The following PRPF6 variants were observed in gnomAD, a reference collection of about 807,000 sequenced individuals.
PRPF6 encodes the protein pre-mRNA processing factor 6, also known as pre-mRNA-processing factor 6.
Under a neutral mutation model 118.3 loss-of-function variants are expected in PRPF6, and 42 were observed. The observed-to-expected ratio is 0.35, with a 90% CI of 0.28 to 0.46. PRPF6 has a LOEUF of 0.46. PRPF6 is among the 20% of genes least tolerant of loss of function. The pLI is 1.00. For synonymous variants in PRPF6, 481 were observed against 485.1 expected, an observed-to-expected ratio of 0.99 and a Z score of 0.11; for missense variants, 662 against 1,255.7, an observed-to-expected ratio of 0.53 and a Z score of 7.15.
At chr20:64,007,366 C>T (rs1303002431) in intron 9 of PRPF6, among the ~76,000 whole-genome samples, 2 of 148,790 alleles carry the variant, frequency 1.3e-5, no homozygotes, top group South Asian at 2.2e-4. Flanking sequence ...TTGCCCTCTC[C>T]CCTCCCCGCC....
chr20:64,030,766 C>A (rs1293805270), intron 19 of PRPF6, among the ~76,000 whole-genome samples: 1 of 152,238 alleles, frequency 6.6e-6, no homozygotes, highest in East Asian at 1.9e-4. Flanking sequence ...CACAGTTTAT[C>A]TAACACCGGG....
intron 9 of PRPF6, among the ~76,000 whole-genome samples, chr20:64,007,433 C>T (rs1305758633): frequency 1.2e-4 from 17 of 143,272 alleles, no homozygotes; most frequent in East Asian, 6.3e-4. Flanking sequence ...CTTCCCTCCC[C>T]GCCTCCCCTC....
chr20:64,016,939 CTTTT>C, intron 12 of PRPF6, 94 bp downstream of exon 12: 28 of 1,285,530 alleles, frequency 2.2e-5, no homozygotes, highest in African/African-American at 6.2e-5. Flanking sequence ...TTTTAAAACT[CTTTT>C]TTTTTTTTTT....
intron 3 of PRPF6, among the ~76,000 whole-genome samples, chr20:63,989,774 A>C (rs1024138015): frequency 4.0e-5 from 6 of 151,642 alleles, no homozygotes; most frequent in Non-Finnish European, 7.4e-5. Context: ...CGGCCTCCCA[A>C]AGTGCTGGGA....
In PRPF6 at chr20:64,011,801, C is replaced by T. The variant is rs186241043; in HGVS notation, c.1524+298C>T. On this transcript the variant is annotated intron_variant, in intron 11 of 20. Coordinates refer to ENST00000266079, the MANE Select transcript of PRPF6 (RefSeq NM_012469.4). The surrounding 1 kb of genome is among the most constrained non-coding windows in gnomAD (Gnocchi z 6.7). ...CACCTACGAGAGGAGGACAGGAAGT[C>T]TCATGGCTTCTTTCTTTGCTAGTAG... Among the ~76,000 whole-genome samples, 280 of 120,354 alleles carry T rather than the reference C, an allele frequency of 2.3e-3. 1 individual carries two copies. The highest frequency in any genetic ancestry group is 9.1e-3 in the African/African-American group (272 of 30,010). The allele number at this position is 120,354 out of a possible 152,430, so 79.0% of individuals were successfully genotyped here.
chr20:64,000,260 G>A (rs1370815352), intron 8 of PRPF6, among the ~76,000 whole-genome samples: 8 of 152,038 alleles, frequency 5.3e-5, no homozygotes, highest in African/African-American at 1.2e-4. Context: ...AGGCTGAGGC[G>A]GGTGGATCAC....
chr20:64,029,231 G>T lies in PRPF6; in HGVS notation c.2432-146G>T, dbSNP rs925741212. The T allele has an allele frequency of 6.8e-6, 5 of 740,098 alleles. No individual in the cohort carries two copies. The highest frequency in any genetic ancestry group is 1.2e-5 in the Non-Finnish European group (5 of 417,806). The allele number at this position is 740,098 out of a possible 1,614,324, so 45.8% of individuals were successfully genotyped here. The stretch of plus-strand genomic sequence containing the variant: ...TGGGCCAGAGTGCTCATCCTTTGTG[G>T]TTCTCCTTGCACAAGTTCTGCGAGC... On this transcript the variant is annotated intron_variant, in intron 18 of 20. Transcript: ENST00000266079. The surrounding 1 kb of genome is among the most constrained non-coding windows in gnomAD (Gnocchi z 4.8).
At position 63,995,409 on chromosome 20, in the gene PRPF6, C is replaced by T. The variant is rs2059137043; in HGVS notation, c.698C>T (p.Pro233Leu). 4 of 1,614,180 alleles carry T rather than the reference C, an allele frequency of 2.5e-6. No individual in the cohort carries two copies. ...GGAATGACGCCAGGACTGATGACAC[C>T]TGGCACAGGTGAGCTGGACATGAGG... is the stretch of plus-strand genomic sequence containing the variant. The part of the protein sequence containing the change: ...PGGMTPGLMT[P>L]GTGELDMRKI... Residue 233 changes from proline (P) to leucine (L), a missense_variant, in exon 6 of 21, where the codon CCT (proline) becomes CTT (leucine). Transcript: ENST00000266079.
chr20:64,009,730 A>G (rs2059207237), intron 9 of PRPF6, among the ~76,000 whole-genome samples: 2 of 152,242 alleles, frequency 1.3e-5, no homozygotes, highest in South Asian at 4.1e-4. Flanking sequence ...TCAAAACAAA[A>G]ACAAAAACAT....
chr20:64,029,205 G>A lies in PRPF6; in HGVS notation c.2432-172G>A, dbSNP rs913088891. ...GCCCTCAGGGCTGCCATGGTTTTGGGTGGGCCAGAGTGCTCATCCTTTGTG... is the reference window on the plus strand; with the variant it reads ...GCCCTCAGGGCTGCCATGGTTTTGGATGGGCCAGAGTGCTCATCCTTTGTG... On this transcript the variant is annotated intron_variant, in intron 18 of 20. Coordinates refer to ENST00000266079, the MANE Select transcript of PRPF6 (RefSeq NM_012469.4). The surrounding 1 kb of genome is among the most constrained non-coding windows in gnomAD (Gnocchi z 4.8). 2.6e-5 allele frequency among the ~76,000 whole-genome samples: 4 copies of A among 152,176 alleles called. No homozygotes were observed. The highest frequency in any genetic ancestry group is 7.2e-5 in the African/African-American group (3 of 41,448).
At chr20:64,022,700 C>A in intron 12 of PRPF6, 57 bp from the exon 13 acceptor site, 1 of 1,611,984 alleles carries the variant, frequency 6.2e-7, no homozygotes, top group Non-Finnish European at 8.5e-7. Flanking sequence ...GGGCATCATG[C>A]CACTTGTTCT....
At position 64,026,738 on chromosome 20, in the gene PRPF6, T is replaced by G. The variant is rs62218091; in HGVS notation, c.2029-244T>G. 7.4e-3 allele frequency among the ~76,000 whole-genome samples: 1,131 copies of G among 152,104 alleles called. 10 individuals are homozygous for G. Among genetic ancestry groups the G allele is most frequent in the Non-Finnish European group, 0.013 (858 of 67,988 alleles). On this transcript the variant is annotated intron_variant, in intron 15 of 20. Transcript: ENST00000266079. This position sits in a 1 kb window ranked among gnomAD's most constrained non-coding sequence, Gnocchi z 4.4. ...TGGTGTGAACCCAGCAGGTGGAGCTTGCAGTGAGCCGAGATCGTGCCACTG... is the reference window on the plus strand; with the variant it reads ...TGGTGTGAACCCAGCAGGTGGAGCTGGCAGTGAGCCGAGATCGTGCCACTG...
chr20:64,027,646 C>T lies in PRPF6; in HGVS notation c.2249C>T (p.Ser750Phe), dbSNP rs778547651. The change falls in exon 17 of 21, where the codon TCT (serine) becomes TTT (phenylalanine). Residue 750 changes from serine to phenylalanine, a missense_variant. This residue lies in a region of PRPF6 where 244 missense variants were observed against 383.7 expected (regional missense o/e 0.64). Transcript: ENST00000266079. This position sits in a 1 kb window ranked among gnomAD's most constrained non-coding sequence, Gnocchi z 6.5. Reference protein sequence around the residue: ...PHSTPLWLLLSRLEEKIGQLT... With the variant: ...PHSTPLWLLLFRLEEKIGQLT... ...TCCACACCCCTGTGGCTTTTGCTCT[C>T]TCGGCTGGAGGAGAAGATTGGGCAG... 6.2e-7 allele frequency: 1 copy of T among 1,614,122 alleles called. No individual in the cohort carries two copies. Among genetic ancestry groups the T allele is most frequent in the Non-Finnish European group, 8.5e-7 (1 of 1,180,014 alleles).
chr20:63,999,004 T>G, intron 6 of PRPF6, 41 bp from the exon 7 acceptor site: 1 of 1,515,796 alleles, frequency 6.6e-7, no homozygotes, highest in African/African-American at 1.4e-5. Context: ...GTTTTGCACC[T>G]GGTCATGTCC....
intron 9 of PRPF6, among the ~76,000 whole-genome samples, chr20:64,008,441 A>C (rs1359636477): frequency 6.6e-6 from 1 of 151,352 alleles, no homozygotes; most frequent in Non-Finnish European, 1.5e-5. Flanking sequence ...TTTTTTTATC[A>C]AGGAAATATT....
chr20:64,008,613 CATT>C (rs1324650335), intron 9 of PRPF6, among the ~76,000 whole-genome samples: 5 of 144,442 alleles, frequency 3.5e-5, no homozygotes, highest in Non-Finnish European at 7.5e-5. Flanking sequence ...AAAACGGTGA[CATT>C]ATAATTAGGT....
chr20:64,007,419 T>G, intron 9 of PRPF6, among the ~76,000 whole-genome samples: 1 of 60,240 alleles, frequency 1.7e-5, no homozygotes, highest in Non-Finnish European at 3.1e-5. Context: ...CCTCCCCGCC[T>G]CCGCTTCCCT....
intron 12 of PRPF6, among the ~76,000 whole-genome samples, chr20:64,021,317 C>T (rs1336219387): frequency 7.1e-6 from 1 of 141,390 alleles, no homozygotes; most frequent in African/African-American, 2.8e-5. Flanking sequence ...TGCATGTATG[C>T]ATATGCCTCA....
chr20:64,022,201 A>C (rs1449054321), intron 12 of PRPF6, among the ~76,000 whole-genome samples: 2 of 152,206 alleles, frequency 1.3e-5, no homozygotes, highest in African/African-American at 4.8e-5. Flanking sequence ...TTTCATGTAC[A>C]CTGGAGTAAG....
Sources: gnomAD v4.1 joint callset for allele counts (sites outside exome capture counted in the v4.1 genomes callset) on GRCh38, gnomAD v4.1.1 for gene constraint, gnomAD v4.1.1 regional missense constraint, Gnocchi (gnomAD v3.1) non-coding constraint, MANE v1.5 for transcripts, NCBI Gene and HGNC (gene_info 2026-07-23, HGNC 2026-07-21) for gene names.